Variants in PARD3B observed in about 807,000 individuals in gnomAD.
PARD3B encodes the protein partitioning defective 3 homolog B.
PARD3B carries 103 observed loss-of-function variants against 130.2 expected under a neutral mutation model. That is an observed-to-expected ratio of 0.79 (90% CI 0.67 to 0.93). PARD3B has a LOEUF of 0.93. Ranked by LOEUF, PARD3B falls within the 40% of genes least tolerant of loss-of-function variation. PARD3B has a pLI of 0.00. For synonymous variants in PARD3B, 583 were observed against 553.2 expected (o/e 1.05, Z -0.76); for missense variants, 1,609 against 1,499.2 (o/e 1.07, Z -1.21).
At chr2:205,164,738 A>G (rs1448237161) in intron 11 of PARD3B, among the ~76,000 whole-genome samples, 1 of 151,926 alleles carries the variant, frequency 6.6e-6, no homozygotes, top group African/African-American at 2.4e-5. Flanking sequence ...CATGGTAATG[A>G]TGCTTTGGCT....
At chr2:205,082,912 AAT>A (rs1004670917) in intron 4 of PARD3B, among the ~76,000 whole-genome samples, 63 of 151,566 alleles carry the variant, frequency 4.2e-4, no homozygotes, top group African/African-American at 1.5e-3. Flanking sequence ...CAAAAGTTAA[AAT>A]ATATCTTTTT....
At chr2:204,681,266 T>C (rs545467101) in intron 1 of PARD3B, among the ~76,000 whole-genome samples, 2 of 152,306 alleles carry the variant, frequency 1.3e-5, no homozygotes, top group Admixed American at 1.3e-4. Context: ...GATAGAATCA[T>C]AGATTTTTAG....
chr2:205,085,270 A>G (rs1411369558), intron 4 of PARD3B, among the ~76,000 whole-genome samples: 1 of 152,012 alleles, frequency 6.6e-6, no homozygotes, highest in Admixed American at 6.6e-5. Flanking sequence ...AGTTTTTTTA[A>G]GTTAGTACCT....
chr2:204,581,635 T>C (rs940800817), intron 1 of PARD3B, among the ~76,000 whole-genome samples: 5 of 152,162 alleles, frequency 3.3e-5, no homozygotes, highest in African/African-American at 1.2e-4. Context: ...GCCACCTTTA[T>C]GTGGGTTGAC....
chr2:205,003,189 C>T (rs74414979), intron 3 of PARD3B, among the ~76,000 whole-genome samples: 1,853 of 152,298 alleles, frequency 0.012, 34 homozygotes, highest in African/African-American at 0.042. Flanking sequence ...TGCCTTTCCT[C>T]CCTCTTCACT....
intron 1 of PARD3B, among the ~76,000 whole-genome samples, chr2:204,627,297 T>A (rs1194476522): frequency 1.3e-5 from 2 of 152,182 alleles, no homozygotes; most frequent in Admixed American, 6.6e-5. Flanking sequence ...TAATCCATCT[T>A]ATATTTTGAT....
At chr2:205,475,660 A>T (rs1226304521) in intron 20 of PARD3B, among the ~76,000 whole-genome samples, 3 of 152,178 alleles carry the variant, frequency 2.0e-5, no homozygotes, top group Non-Finnish European at 4.4e-5. Context: ...GCCATTAGAA[A>T]AGAAAAATTA....
intron 18 of PARD3B, among the ~76,000 whole-genome samples, chr2:205,308,823 A>G (rs2042277570): frequency 6.6e-6 from 1 of 152,194 alleles, no homozygotes; most frequent in South Asian, 2.1e-4. Context: ...CACGGAATTT[A>G]CATTCCAGTG....
intron 1 of PARD3B, among the ~76,000 whole-genome samples, chr2:204,684,524 T>G (rs1352566101): frequency 6.6e-6 from 1 of 152,204 alleles, no homozygotes; most frequent in Non-Finnish European, 1.5e-5. Flanking sequence ...AAAGATTTAA[T>G]TCCCAAATAT....
chr2:205,196,527 C>G (rs528250008), intron 15 of PARD3B, among the ~76,000 whole-genome samples: 2 of 152,012 alleles, frequency 1.3e-5, no homozygotes, highest in South Asian at 4.1e-4. Flanking sequence ...AAAAAGGTTT[C>G]AGTCTTATTC....
chr2:204,641,842 T>G (rs2035088476), intron 1 of PARD3B, among the ~76,000 whole-genome samples: 1 of 152,218 alleles, frequency 6.6e-6, no homozygotes, highest in Non-Finnish European at 1.5e-5. Flanking sequence ...TCTATTGTAC[T>G]TCAAAACAAA....
In PARD3B at chr2:204,828,399, A is replaced by G. The variant is rs111954464; in HGVS notation, c.223-136753A>G. Among the ~76,000 whole-genome samples, 973 of 152,218 alleles carry G rather than the reference A, an allele frequency of 6.4e-3. 13 individuals are homozygous for G. The highest frequency in any genetic ancestry group is 0.022 in the African/African-American group (901 of 41,534). On this transcript the variant is annotated intron_variant, in intron 2 of 22. Transcript: ENST00000406610. ...GCTCCAGTGATTCTCAACCCTGGCT[A>G]TGATCACAGCCTCTGAGGTGAGGCC...
At chr2:205,540,148 T>TTTG (rs769935901) in intron 21 of PARD3B, among the ~76,000 whole-genome samples, 19 of 152,152 alleles carry the variant, frequency 1.2e-4, no homozygotes, top group South Asian at 6.2e-4. Flanking sequence ...GGGCTGATTT[T>TTTG]TTGTTGTTGT....
chr2:205,243,555 A>G (rs2039447713), intron 15 of PARD3B, among the ~76,000 whole-genome samples: 1 of 152,234 alleles, frequency 6.6e-6, no homozygotes, highest in Non-Finnish European at 1.5e-5. Flanking sequence ...ATGTTAAACA[A>G]AATTATAGCT....
At position 205,564,656 on chromosome 2, in the gene PARD3B, G is replaced by A. The variant is rs2053257171; in HGVS notation, c.3260+11253G>A. Among the ~76,000 whole-genome samples, 1 of 152,170 alleles carries A rather than the reference G, an allele frequency of 6.6e-6. No homozygotes were observed. The highest frequency in any genetic ancestry group is 2.1e-4 in the South Asian group (1 of 4,828). On this transcript the variant is annotated intron_variant, in intron 22 of 22. Coordinates refer to ENST00000406610, the MANE Select transcript of PARD3B (RefSeq NM_001302769.2). The surrounding 1 kb of genome is among the most constrained non-coding windows in gnomAD (Gnocchi z 4.6). The stretch of plus-strand genomic sequence containing the variant: ...TACTGACTCTGCTGCTTCAAGTCCA[G>A]AGAAGAGAGCTTTGGCAGTCAGTTA...
intron 21 of PARD3B, among the ~76,000 whole-genome samples, chr2:205,524,076 A>T (rs2051223656): frequency 6.6e-6 from 1 of 151,994 alleles, no homozygotes; most frequent in Admixed American, 6.6e-5. Flanking sequence ...AGGCTTATCT[A>T]ACTTTTCTTT....
At chr2:205,380,921 TATAATATATAAAGAA>T (rs1302397304) in intron 18 of PARD3B, among the ~76,000 whole-genome samples, 14 of 100,876 alleles carry the variant, frequency 1.4e-4, no homozygotes, top group Non-Finnish European at 1.7e-4. Context: ...AAAGAATATA[TATAATATATAAAGAA>T]TATATATAAT....
At chr2:205,357,567 G>A (rs1227979493) in intron 18 of PARD3B, among the ~76,000 whole-genome samples, 1 of 152,120 alleles carries the variant, frequency 6.6e-6, no homozygotes, top group African/African-American at 2.4e-5. Context: ...AATACCAATG[G>A]AGAGTAAAAT....
intron 16 of PARD3B, among the ~76,000 whole-genome samples, chr2:205,296,715 G>A (rs1265723011): frequency 1.4e-5 from 2 of 148,052 alleles, no homozygotes; most frequent in African/African-American, 2.5e-5. Context: ...TTTTCATAAC[G>A]CTGTATTTTT....
Sources: gnomAD v4.1 joint callset for allele counts (sites outside exome capture counted in the v4.1 genomes callset) on GRCh38, gnomAD v4.1.1 for gene constraint, Gnocchi (gnomAD v3.1) non-coding constraint, MANE v1.5 for transcripts, NCBI Gene and HGNC (gene_info 2026-07-23, HGNC 2026-07-21) for gene names.